Variants in TSNAX observed in about 807,000 individuals in gnomAD.
TSNAX encodes translin-associated protein X.
A neutral mutation model predicts 33.0 loss-of-function variants in TSNAX; 12 were observed. The observed-to-expected ratio is 0.36, with a 90% confidence interval of 0.23 to 0.59. The LOEUF (loss-of-function observed/expected upper bound fraction) is 0.59, where lower values mean the gene tolerates loss of function less well. Among genes scored for constraint, TSNAX ranks in the 20% least tolerant of loss-of-function variants. The probability of loss-of-function intolerance (pLI) is 0.74; values close to 1 mark genes in which losing one functional copy is unlikely to be tolerated. For synonymous variants in TSNAX, 110 were observed against 117.2 expected, an observed-to-expected ratio of 0.94 and a Z score of 0.40; for missense variants, 267 against 341.3, an observed-to-expected ratio of 0.78 and a Z score of 1.72.
chr1:231,534,464 G>A (rs1288353077), intron 2 of TSNAX: 1 of 152,126 alleles, frequency 6.6e-6, no homozygotes, highest in Non-Finnish European at 1.5e-5. Context: ...AAAGTAATAA[G>A]GTAACTTAGA....
At chr1:231,555,414 G>C (rs1391941483) in intron 4 of TSNAX, among the ~76,000 whole-genome samples, 2 of 152,004 alleles carry the variant, frequency 1.3e-5, no homozygotes, top group African/African-American at 4.8e-5. Context: ...AGGAGGGATG[G>C]GGAGTTAGAT....
At position 231,528,976 on chromosome 1, in the gene TSNAX, C is replaced by T. The variant is rs904991912; in HGVS notation, c.16+150C>T. 8 of 1,101,424 alleles carry T rather than the reference C, an allele frequency of 7.3e-6. No homozygotes were observed. In the African/African-American group the frequency reaches 7.8e-5, roughly 11 times the overall value. 68.2% of individuals were successfully genotyped at this position (1,101,424 alleles called of 1,614,324 possible). On this transcript the variant is annotated intron_variant, in intron 1 of 5. Transcript: ENST00000366639. ...CCTCTGTTTCTCTCCCCGGCCAGATCGGCCCTGTTTACACCTCCTTTTTTC... is the reference window on the plus strand; with the variant it reads ...CCTCTGTTTCTCTCCCCGGCCAGATTGGCCCTGTTTACACCTCCTTTTTTC...
intron 2 of TSNAX, among the ~76,000 whole-genome samples, chr1:231,530,896 G>A (rs933878682): frequency 5.3e-5 from 8 of 150,960 alleles, no homozygotes; most frequent in Non-Finnish European, 1.2e-4. Context: ...TCAAAAAAAA[G>A]AAAAGGTGGA....
At chr1:231,540,769 G>C (rs953103920) in intron 3 of TSNAX, among the ~76,000 whole-genome samples, 3 of 152,162 alleles carry the variant, frequency 2.0e-5, no homozygotes. Context: ...CTTTCTCCTT[G>C]AAGTCCTATC....
At position 231,547,841 on chromosome 1, in the gene TSNAX, C is replaced by CTTTTT. The variant is rs35520639; in HGVS notation, c.367+5245_367+5249dup. 1.9e-4 allele frequency among the ~76,000 whole-genome samples: 23 copies of CTTTTT among 123,854 alleles called. 1 individual carries two copies. The highest frequency in any genetic ancestry group is 2.8e-4 in the African/African-American group (9 of 32,726). The allele number at this position is 123,854 out of a possible 152,430, so 81.3% of individuals were successfully genotyped here. ...CCAAGGAACAAAAAACCATTGCTTT[C>CTTTTT]TTTTTTTTTTTTTTTTTTTGAGACA... On this transcript the variant is annotated intron_variant, in intron 4 of 5. Transcript: ENST00000366639.
intron 4 of TSNAX, among the ~76,000 whole-genome samples, chr1:231,549,607 C>T (rs1305373753): frequency 6.6e-6 from 1 of 152,080 alleles, no homozygotes; most frequent in African/African-American, 2.4e-5. Context: ...TGGTTTGGGT[C>T]GTGCTCATTA....
At chr1:231,551,640 T>C (rs1319570482) in intron 4 of TSNAX, among the ~76,000 whole-genome samples, 1 of 151,900 alleles carries the variant, frequency 6.6e-6, no homozygotes, top group Non-Finnish European at 1.5e-5. Flanking sequence ...TGGTACCAAT[T>C]TGCTCAATAC....
intron 2 of TSNAX, chr1:231,535,525 T>C (rs1659107357): frequency 6.6e-6 from 1 of 152,244 alleles, no homozygotes; most frequent in Non-Finnish European, 1.5e-5. Context: ...AGTCTCAAGT[T>C]AGGCTTTCCG....
At chr1:231,553,174 C>T (rs1270209248) in intron 4 of TSNAX, among the ~76,000 whole-genome samples, 2 of 152,100 alleles carry the variant, frequency 1.3e-5, no homozygotes, top group East Asian at 3.8e-4. Context: ...AACCAAGAAA[C>T]AAAGTTGAGT....
chr1:231,560,126 C>A (rs150130559), intron 4 of TSNAX, among the ~76,000 whole-genome samples: 1,770 of 151,364 alleles, frequency 0.012, 30 homozygotes, highest in African/African-American at 0.04. Context: ...ACTACAGGCG[C>A]CCGCCACCAC....
chr1:231,560,990 A>T, intron 4 of TSNAX, 138 bp from the exon 5 acceptor site: 14 of 777,062 alleles, frequency 1.8e-5, no homozygotes, highest in Non-Finnish European at 2.9e-5. Flanking sequence ...CTAAGTGTCT[A>T]GTCTAGTACT....
chr1:231,544,073 A>G (rs1042052963), intron 4 of TSNAX, among the ~76,000 whole-genome samples: 6 of 152,172 alleles, frequency 3.9e-5, no homozygotes, highest in African/African-American at 1.4e-4. Context: ...TAGCAGGAAA[A>G]TATTTCAGAC....
chr1:231,550,191 A>G (rs565797592), intron 4 of TSNAX, among the ~76,000 whole-genome samples: 2 of 152,362 alleles, frequency 1.3e-5, no homozygotes, highest in African/African-American at 4.8e-5. Flanking sequence ...TAGGGCTTCA[A>G]CATATAATCA....
At chr1:231,533,592 G>A (rs979000345) in intron 2 of TSNAX, among the ~76,000 whole-genome samples, 1 of 152,140 alleles carries the variant, frequency 6.6e-6, no homozygotes, top group African/African-American at 2.4e-5. Flanking sequence ...AAGAAATACT[G>A]TCTCTTTTTA....
At chr1:231,547,989 C>T (rs147427034) in intron 4 of TSNAX, among the ~76,000 whole-genome samples, 2,136 of 151,896 alleles carry the variant, frequency 0.014, 61 homozygotes, top group African/African-American at 0.049. Flanking sequence ...TACAGGCGTC[C>T]GCTACCACGC....
intron 2 of TSNAX, among the ~76,000 whole-genome samples, chr1:231,532,184 A>ACACACACACACACACC (rs1658795985): frequency 8.8e-6 from 1 of 113,686 alleles, no homozygotes; most frequent in East Asian, 2.1e-4. Context: ...ACACACACAC[A>ACACACACACACACACC]CAGTTTTGGT....
At chr1:231,561,919 T>C (rs1168448438) in intron 5 of TSNAX, among the ~76,000 whole-genome samples, 1 of 152,210 alleles carries the variant, frequency 6.6e-6, no homozygotes, top group Non-Finnish European at 1.5e-5. Flanking sequence ...AAAGTAGTTT[T>C]TATATAGTGA....
intron 4 of TSNAX, among the ~76,000 whole-genome samples, chr1:231,549,384 C>T (rs942090796): frequency 6.6e-6 from 1 of 152,284 alleles, no homozygotes; most frequent in African/African-American, 2.4e-5. Context: ...TGCACCACTG[C>T]ACTCCAGCTT....
intron 4 of TSNAX, among the ~76,000 whole-genome samples, chr1:231,559,440 TGCCTCA>T (rs1048860042): frequency 1.1e-3 from 167 of 152,236 alleles, no homozygotes; most frequent in African/African-American, 3.9e-3. Context: ...GCCATTCTCC[TGCCTCA>T]GCCTCCAAAG....
Sources: gnomAD v4.1 joint callset for allele counts (sites outside exome capture counted in the v4.1 genomes callset) on GRCh38, gnomAD v4.1.1 for gene constraint, MANE v1.5 for transcripts, NCBI Gene and HGNC (gene_info 2026-07-23, HGNC 2026-07-21) for gene names.